Variants in RALGPS2 observed in about 807,000 individuals in gnomAD.
RALGPS2 encodes ras-specific guanine nucleotide-releasing factor RalGPS2.
Under a neutral mutation model 86.8 loss-of-function variants are expected in RALGPS2, and 43 were observed. The observed-to-expected ratio is 0.50, with a 90% CI of 0.39 to 0.64. The LOEUF (loss-of-function observed/expected upper bound fraction) is 0.64, where lower values mean the gene tolerates loss of function less well. RALGPS2 is among the 30% of genes least tolerant of loss of function. The pLI is 0.00. For missense variants in RALGPS2, 536 were observed against 694.6 expected (o/e 0.77, Z 2.57); for synonymous variants, 243 against 231.3 (o/e 1.05, Z -0.46).
rs1651969350 is a variant in RALGPS2, at chr1:178,756,608, G to A, written c.-83-20074G>A. 2.6e-5 allele frequency among the ~76,000 whole-genome samples: 4 copies of A among 152,072 alleles called. No individual in the cohort carries two copies. The South Asian group carries it at 8.3e-4, about 31-fold the overall frequency. On this transcript the variant is annotated intron_variant, in intron 1 of 19. Transcript: ENST00000367635. ...CAGGTAGTGTGATGCATCACACTTT[G>A]TTCTTTTTGCTTAGGATTGCCTTGG...
chr1:178,782,552 G>A (rs1174305981), intron 2 of RALGPS2, among the ~76,000 whole-genome samples: 1 of 151,982 alleles, frequency 6.6e-6, no homozygotes, highest in Non-Finnish European at 1.5e-5. Flanking sequence ...AGAGCCAGGG[G>A]GACAGAGAAG....
intron 17 of RALGPS2, among the ~76,000 whole-genome samples, chr1:178,901,132 C>A (rs2102404543): frequency 6.6e-6 from 1 of 152,000 alleles, no homozygotes; most frequent in Non-Finnish European, 1.5e-5. Context: ...TTCCCATTTC[C>A]TTTAATCGTG....
chr1:178,815,374 C>T (rs1388921933), intron 6 of RALGPS2, among the ~76,000 whole-genome samples: 1 of 152,054 alleles, frequency 6.6e-6, no homozygotes, highest in Non-Finnish European at 1.5e-5. Flanking sequence ...TGTGAGCCAC[C>T]GCGCCTGGCA....
At chr1:178,731,272 G>GTTTTTTTTTTTTTTTTTTT (rs57628726) in intron 1 of RALGPS2, among the ~76,000 whole-genome samples, 2 of 57,946 alleles carry the variant, frequency 3.5e-5, no homozygotes, top group African/African-American at 1.3e-4. Flanking sequence ...AGTTGTTTTG[G>GTTTTTTTTTTTTTTTTTTT]TTTTTTTTTT....
intron 8 of RALGPS2, among the ~76,000 whole-genome samples, chr1:178,847,291 C>A (rs1032096913): frequency 1.2e-4 from 19 of 152,150 alleles, no homozygotes; most frequent in Non-Finnish European, 1.3e-4. Flanking sequence ...ACTGAAAATA[C>A]AAAAATTAGC....
intron 1 of RALGPS2, among the ~76,000 whole-genome samples, chr1:178,764,971 A>T (rs927233891): frequency 6.6e-6 from 1 of 152,020 alleles, no homozygotes; most frequent in East Asian, 1.9e-4. Flanking sequence ...AGTGTGTAAA[A>T]CAACCAGATC....
chr1:178,827,392 A>ATTT lies in RALGPS2; in HGVS notation c.480+5706_480+5708dup, dbSNP rs748058137. Among the ~76,000 whole-genome samples the ATTT allele has an allele frequency of 5.4e-3, 707 of 131,984 alleles. 22 individuals are homozygous for ATTT. The highest frequency in any genetic ancestry group is 0.018 in the African/African-American group (587 of 32,950). 86.6% of individuals were successfully genotyped at this position (131,984 alleles called of 152,430 possible). ...AAAGCTAGAGACATCATACTCTCTG[A>ATTT]TTTTTTTTTTTTTTTTTTTTGAGAC... On this transcript the variant is annotated intron_variant, in intron 7 of 19. Coordinates refer to ENST00000367635, the MANE Select transcript of RALGPS2 (RefSeq NM_152663.5).
intron 17 of RALGPS2, among the ~76,000 whole-genome samples, chr1:178,901,034 T>A (rs914573577): frequency 2.6e-5 from 4 of 152,080 alleles, no homozygotes; most frequent in African/African-American, 9.6e-5. Flanking sequence ...AGGGCCAATT[T>A]CATTCTTCAC....
At chr1:178,881,530 A>G (rs1316521696) in intron 10 of RALGPS2, among the ~76,000 whole-genome samples, 1 of 152,024 alleles carries the variant, frequency 6.6e-6, no homozygotes, top group Non-Finnish European at 1.5e-5. Context: ...GCTCACTGCA[A>G]CCTCCGCCGC....
At chr1:178,809,873 C>G (rs1654894741) in intron 5 of RALGPS2, among the ~76,000 whole-genome samples, 1 of 152,040 alleles carries the variant, frequency 6.6e-6, no homozygotes, top group Non-Finnish European at 1.5e-5. Flanking sequence ...CAGTCACAAG[C>G]CTGCCCAGAT....
chr1:178,897,812 A>G (rs979553995), intron 17 of RALGPS2, 56 bp downstream of exon 17: 3 of 1,494,170 alleles, frequency 2.0e-6, no homozygotes, highest in Admixed American at 1.7e-5. Context: ...TCATGGTTAT[A>G]AAGAAAGCAG....
chr1:178,851,074 T>G, intron 8 of RALGPS2: 1 of 1,488,112 alleles, frequency 6.7e-7, no homozygotes, highest in Non-Finnish European at 9.0e-7. Flanking sequence ...ATTTACATTT[T>G]TAAGAGCTGA....
At chr1:178,883,853 G>A (rs1659363568) in intron 11 of RALGPS2, among the ~76,000 whole-genome samples, 1 of 152,054 alleles carries the variant, frequency 6.6e-6, no homozygotes, top group African/African-American at 2.4e-5. Context: ...GCCGGGTGTG[G>A]TGGCGGGCAC....
intron 1 of RALGPS2, among the ~76,000 whole-genome samples, chr1:178,770,845 T>G (rs1009451670): frequency 3.3e-5 from 5 of 150,366 alleles, no homozygotes; most frequent in Non-Finnish European, 5.9e-5. Context: ...GTTGTTTTTT[T>G]TTTTTTTTTT....
intron 1 of RALGPS2, among the ~76,000 whole-genome samples, chr1:178,744,972 C>A (rs1651234459): frequency 6.6e-6 from 1 of 152,096 alleles, no homozygotes; most frequent in Non-Finnish European, 1.5e-5. Flanking sequence ...TTGTGGATTA[C>A]AGAATCAGTC....
intron 8 of RALGPS2, among the ~76,000 whole-genome samples, chr1:178,849,104 C>G (rs1003304736): frequency 1.3e-5 from 2 of 152,066 alleles, no homozygotes; most frequent in African/African-American, 4.8e-5. Context: ...TTTATTTGAT[C>G]GTCACAAAAA....
intron 11 of RALGPS2, among the ~76,000 whole-genome samples, chr1:178,884,339 AT>A (rs1177873710): frequency 6.6e-6 from 1 of 152,180 alleles, no homozygotes; most frequent in Admixed American, 6.5e-5. Flanking sequence ...ACCACAAATA[AT>A]TTTTTAAAAA....
intron 8 of RALGPS2, chr1:178,849,797 G>A (rs1204631494): frequency 6.6e-6 from 1 of 152,236 alleles, no homozygotes; most frequent in Non-Finnish European, 1.5e-5. Flanking sequence ...ATGGATTTGA[G>A]TTGTCCAAAT....
At chr1:178,727,982 A>G (rs1019183727) in intron 1 of RALGPS2, among the ~76,000 whole-genome samples, 4 of 152,186 alleles carry the variant, frequency 2.6e-5, no homozygotes, top group African/African-American at 7.2e-5. Context: ...ATTATTGCCT[A>G]GCGAACAAAA....
Sources: gnomAD v4.1 joint callset for allele counts (sites outside exome capture counted in the v4.1 genomes callset) on GRCh38, gnomAD v4.1.1 for gene constraint, MANE v1.5 for transcripts, NCBI Gene and HGNC (gene_info 2026-07-23, HGNC 2026-07-21) for gene names.